RGS7: variants seen among roughly 807,000 people sequenced by gnomAD.
RGS7 encodes regulator of G-protein signaling 7.
In RGS7, 27 loss-of-function variants were observed where a neutral mutation model predicts 81.1. That is an observed-to-expected ratio of 0.33 (90% CI 0.25 to 0.46). The LOEUF (loss-of-function observed/expected upper bound fraction) is 0.46, where lower values mean the gene tolerates loss of function less well. Among genes scored for constraint, RGS7 ranks in the 20% least tolerant of loss-of-function variants. The pLI, the probability that RGS7 is intolerant of heterozygous loss-of-function variation, is 1.00. For synonymous variants in RGS7, 208 were observed against 207.7 expected (o/e 1.00, Z -0.01); for missense variants, 396 against 607.4 (o/e 0.65, Z 3.66).
chr1:240,955,778 CCTT>C (rs1680315143), intron 4 of RGS7, among the ~76,000 whole-genome samples: 1 of 152,062 alleles, frequency 6.6e-6, no homozygotes, highest in African/African-American at 2.4e-5. Context: ...TGTTTTTCAT[CCTT>C]ATTTGTTGTT....
chr1:240,874,210 C>T (rs111519769), intron 6 of RGS7, among the ~76,000 whole-genome samples: 263 of 152,294 alleles, frequency 1.7e-3, no homozygotes, highest in Middle Eastern at 3.4e-3. Context: ...GAGAAATAAA[C>T]GTTTGCTGTT....
chr1:240,784,549 G>A (rs1378267693), intron 18 of RGS7, among the ~76,000 whole-genome samples: 3 of 151,910 alleles, frequency 2.0e-5, no homozygotes, highest in Admixed American at 1.3e-4. Flanking sequence ...AGGAGGCTGA[G>A]GCAGGAGAAT....
At chr1:241,230,768 C>T (rs2075613492) in intron 2 of RGS7, among the ~76,000 whole-genome samples, 2 of 152,164 alleles carry the variant, frequency 1.3e-5, no homozygotes, top group Admixed American at 6.5e-5. Context: ...CAGCTGCAGT[C>T]TTAGGTGTGC....
At chr1:241,343,445 A>G (rs2082698390) in intron 2 of RGS7, among the ~76,000 whole-genome samples, 1 of 152,194 alleles carries the variant, frequency 6.6e-6, no homozygotes, top group South Asian at 2.1e-4. Context: ...AAATGAATGA[A>G]TAAACAAAAT....
At position 241,314,870 on chromosome 1, in the gene RGS7, A is replaced by C. The variant is rs544671718; in HGVS notation, c.78+40829T>G. ...TCACTGTACTGTAGGGAATAGATAG[A>C]AGGTAGGAACTATGAGAGCCACTTG... On this transcript the variant is annotated intron_variant, in intron 2 of 18. Transcript: ENST00000440928. Among the ~76,000 whole-genome samples the C allele has an allele frequency of 3.3e-5, 5 of 152,254 alleles. No individual in the cohort carries two copies. In the East Asian group the frequency reaches 9.6e-4, roughly 29 times the overall value.
At chr1:240,946,613 T>A (rs1345609049) in intron 4 of RGS7, among the ~76,000 whole-genome samples, 1 of 151,900 alleles carries the variant, frequency 6.6e-6, no homozygotes, top group East Asian at 1.9e-4. Flanking sequence ...AAAACAAAAA[T>A]TAAAAAAGAA....
intron 2 of RGS7, among the ~76,000 whole-genome samples, chr1:241,279,251 C>G (rs1352140169): frequency 6.6e-6 from 1 of 152,072 alleles, no homozygotes; most frequent in Non-Finnish European, 1.5e-5. Flanking sequence ...AGAGAGCTCA[C>G]AGAGCATCAT....
intron 2 of RGS7, among the ~76,000 whole-genome samples, chr1:241,157,850 G>A (rs1013832211): frequency 1.1e-4 from 15 of 131,476 alleles, no homozygotes; most frequent in South Asian, 4.6e-4. Context: ...ACTGAGTCTC[G>A]CTCTGTTGCC....
chr1:240,882,373 G>A (rs182589300), intron 6 of RGS7, among the ~76,000 whole-genome samples: 5 of 152,140 alleles, frequency 3.3e-5, no homozygotes, highest in East Asian at 1.9e-4. Flanking sequence ...GTCATTGAAC[G>A]ATTCTACCAT....
At chr1:241,340,375 G>A (rs751022281) in intron 2 of RGS7, among the ~76,000 whole-genome samples, 3 of 152,046 alleles carry the variant, frequency 2.0e-5, no homozygotes, top group Non-Finnish European at 4.4e-5. Flanking sequence ...CCAAACTTAA[G>A]TGCATTGGGA....
chr1:241,321,117 T>A (rs1047066482), intron 2 of RGS7, among the ~76,000 whole-genome samples: 2 of 152,224 alleles, frequency 1.3e-5, no homozygotes, highest in Non-Finnish European at 2.9e-5. Flanking sequence ...AAAACTGGTG[T>A]GAAAGTATTA....
chr1:240,926,331 A>T (rs1674431609), intron 6 of RGS7, among the ~76,000 whole-genome samples: 1 of 152,176 alleles, frequency 6.6e-6, no homozygotes, highest in African/African-American at 2.4e-5. Context: ...GGTACAAGGT[A>T]GCGGTCCAGC....
chr1:241,335,038 A>T (rs574847341), intron 2 of RGS7, among the ~76,000 whole-genome samples: 1 of 152,348 alleles, frequency 6.6e-6, no homozygotes, highest in East Asian at 1.9e-4. Flanking sequence ...CACACTAATA[A>T]GTGGGGCTAA....
chr1:241,112,383 GTCCATCCAGC>G (rs1281624460), intron 2 of RGS7, among the ~76,000 whole-genome samples: 1 of 152,038 alleles, frequency 6.6e-6, no homozygotes, highest in Non-Finnish European at 1.5e-5. Flanking sequence ...CTTTGCCTGG[GTCCATCCAGC>G]TGGCTTAGTC....
chr1:241,073,105 G>T (rs2062576416), intron 3 of RGS7, among the ~76,000 whole-genome samples: 1 of 152,162 alleles, frequency 6.6e-6, no homozygotes, highest in Non-Finnish European at 1.5e-5. Context: ...CATGTTGAGA[G>T]CTGGGTTGTA....
chr1:241,291,020 C>T (rs1368387151), intron 2 of RGS7, among the ~76,000 whole-genome samples: 2 of 152,148 alleles, frequency 1.3e-5, no homozygotes, highest in Non-Finnish European at 2.9e-5. Context: ...CCACGTGCCC[C>T]ACCTCTTTTC....
At chr1:240,783,174 T>C (rs1684420677) in intron 18 of RGS7, among the ~76,000 whole-genome samples, 1 of 152,178 alleles carries the variant, frequency 6.6e-6, no homozygotes, top group African/African-American at 2.4e-5. Flanking sequence ...AAACTTCCCC[T>C]CAACCAAACC....
chr1:241,290,837 C>T (rs1169335400), intron 2 of RGS7, among the ~76,000 whole-genome samples: 1 of 152,204 alleles, frequency 6.6e-6, no homozygotes, highest in Non-Finnish European at 1.5e-5. Flanking sequence ...AGATTTCAAA[C>T]TTGTCATTTA....
chr1:240,965,499 T>C (rs1334629689), intron 4 of RGS7, among the ~76,000 whole-genome samples: 2 of 152,210 alleles, frequency 1.3e-5, no homozygotes, highest in East Asian at 3.9e-4. Flanking sequence ...GTCCCCAGTA[T>C]TTCCTTACAG....
Sources: gnomAD v4.1 joint callset for allele counts (sites outside exome capture counted in the v4.1 genomes callset) on GRCh38, gnomAD v4.1.1 for gene constraint, MANE v1.5 for transcripts, NCBI Gene and HGNC (gene_info 2026-07-23, HGNC 2026-07-21) for gene names.